The following HSD17B12 variants were observed in gnomAD, a reference collection of about 807,000 sequenced individuals.
The protein encoded by HSD17B12 is hydroxysteroid 17-beta dehydrogenase 12, also known as very-long-chain 3-oxoacyl-CoA reductase.
In HSD17B12, 32 loss-of-function variants were observed where a neutral mutation model predicts 39.3. The ratio of observed to expected loss-of-function variants is 0.81; its 90% CI spans 0.61 to 1.09. The LOEUF is 1.09. HSD17B12 is among the 50% of genes least tolerant of loss of function. The probability of loss-of-function intolerance (pLI) is 0.00; values close to 1 mark genes in which losing one functional copy is unlikely to be tolerated. For synonymous variants in HSD17B12, 150 were observed against 146.7 expected (o/e 1.02, Z -0.16); for missense variants, 342 against 382.9 (o/e 0.89, Z 0.89).
the HSD17B12 span, among the ~76,000 whole-genome samples, chr11:43,574,684 G>A: frequency 2.0e-4 from 30 of 152,168 alleles, no homozygotes; most frequent in South Asian, 4.2e-4. Context: ...TCACCCTTAG[G>A]AAGCAAGCTC....
chr11:43,580,329 C>A, the HSD17B12 span, among the ~76,000 whole-genome samples: 1 of 142,148 alleles, frequency 7.0e-6, no homozygotes, highest in African/African-American at 2.6e-5. Flanking sequence ...ATGACGGGTT[C>A]GCCCCTTGTT....
chr11:43,801,677 G>C (rs1008074814), intron 4 of HSD17B12, among the ~76,000 whole-genome samples: 3 of 130,708 alleles, frequency 2.3e-5, no homozygotes, highest in Non-Finnish European at 5.1e-5. Context: ...GATTTCAGTA[G>C]AGCTCTGTCC....
chr11:43,634,075 C>CAAAAAAAAAAAAAAAAAAAAA, the HSD17B12 span, among the ~76,000 whole-genome samples: 14 of 37,566 alleles, frequency 3.7e-4, 2 homozygotes, highest in Non-Finnish European at 5.0e-4. Context: ...AACTCCATCT[C>CAAAAAAAAAAAAAAAAAAAAA]AAAAAAAAAA....
chr11:43,691,039 A>G lies in HSD17B12; in HGVS notation c.160+10052A>G, dbSNP rs571382026. Among the ~76,000 whole-genome samples, 45 of 152,316 alleles carry G rather than the reference A, an allele frequency of 3.0e-4. 1 individual carries two copies. The highest frequency in any genetic ancestry group is 8.9e-4 in the African/African-American group (37 of 41,570). On this transcript the variant is annotated intron_variant, in intron 1 of 10. Transcript: ENST00000278353. ...GCATATTCCCTTCTAGATGATTATC[A>G]AAGTCGTCAATTTTAGTATGTCTAA...
the HSD17B12 span, among the ~76,000 whole-genome samples, chr11:43,572,980 C>T: frequency 6.6e-6 from 1 of 152,190 alleles, no homozygotes; most frequent in Non-Finnish European, 1.5e-5. Context: ...GGGGAGGAGA[C>T]AGTCGACGCA....
intron 3 of HSD17B12, 55 bp downstream of exon 3, chr11:43,754,176 G>A: frequency 8.3e-7 from 1 of 1,203,644 alleles, no homozygotes; most frequent in Admixed American, 1.8e-5. Context: ...TTTTCAAGCA[G>A]TTATCCGATA....
the HSD17B12 span, chr11:43,646,202 G>A: frequency 6.6e-6 from 1 of 152,220 alleles, no homozygotes; most frequent in Non-Finnish European, 1.5e-5. Context: ...AGCTGGCTGG[G>A]TATGTACATG....
the HSD17B12 span, among the ~76,000 whole-genome samples, chr11:43,595,577 T>C: frequency 6.6e-6 from 1 of 152,214 alleles, no homozygotes; most frequent in African/African-American, 2.4e-5. Context: ...TTAGATTCTA[T>C]AGGTCTGTGG....
intron 3 of HSD17B12, among the ~76,000 whole-genome samples, chr11:43,757,751 A>G (rs963198972): frequency 6.6e-6 from 1 of 151,904 alleles, no homozygotes; most frequent in Non-Finnish European, 1.5e-5. Flanking sequence ...TGCAGCCTAT[A>G]TTGAATGCCA....
chr11:43,632,897 A>C, the HSD17B12 span, among the ~76,000 whole-genome samples: 1 of 152,246 alleles, frequency 6.6e-6, no homozygotes, highest in African/African-American at 2.4e-5. Flanking sequence ...CTATCAGTAA[A>C]TATTTTCTAC....
upstream of HSD17B12, among the ~76,000 whole-genome samples, chr11:43,680,217 G>A (rs1463230915): frequency 2.6e-5 from 4 of 151,972 alleles, no homozygotes; most frequent in East Asian, 7.8e-4. Flanking sequence ...GAGATTACAG[G>A]CGCACGCCAC....
chr11:43,711,104 C>G (rs1950061351), intron 1 of HSD17B12, among the ~76,000 whole-genome samples: 1 of 151,974 alleles, frequency 6.6e-6, no homozygotes, highest in Non-Finnish European at 1.5e-5. Context: ...AGCTGTCATT[C>G]TTTTTAAAGT....
chr11:43,726,809 G>A (rs1216559195), intron 1 of HSD17B12, among the ~76,000 whole-genome samples: 1 of 152,124 alleles, frequency 6.6e-6, no homozygotes, highest in Non-Finnish European at 1.5e-5. Flanking sequence ...TGTCTAATTA[G>A]AAGCTGCCAG....
chr11:43,603,808 T>TA, the HSD17B12 span, among the ~76,000 whole-genome samples: 1 of 152,198 alleles, frequency 6.6e-6, no homozygotes, highest in Non-Finnish European at 1.5e-5. Context: ...TCGTTTCTAA[T>TA]AAAAAATTCC....
chr11:43,785,434 A>T (rs1182353323), intron 3 of HSD17B12, among the ~76,000 whole-genome samples: 1 of 152,206 alleles, frequency 6.6e-6, no homozygotes, highest in East Asian at 1.9e-4. Flanking sequence ...TACTTGCTTG[A>T]TGAGTCCTCA....
chr11:43,708,590 A>G (rs1167019252), intron 1 of HSD17B12, among the ~76,000 whole-genome samples: 2 of 152,244 alleles, frequency 1.3e-5, no homozygotes, highest in Admixed American at 1.3e-4. Flanking sequence ...ATAGTTCAAC[A>G]CCACATTCTC....
At chr11:43,648,666 G>A in the HSD17B12 span, among the ~76,000 whole-genome samples, 1 of 152,136 alleles carries the variant, frequency 6.6e-6, no homozygotes, top group Non-Finnish European at 1.5e-5. Context: ...TTTTTATTTA[G>A]TAAACCACTT....
the HSD17B12 span, among the ~76,000 whole-genome samples, chr11:43,673,557 A>G: frequency 5.6e-5 from 8 of 142,692 alleles, no homozygotes; most frequent in African/African-American, 1.0e-4. Context: ...CAATGGCGCA[A>G]TCTCAGCTCA....
intron 1 of HSD17B12, among the ~76,000 whole-genome samples, chr11:43,730,893 T>A (rs979041053): frequency 1.3e-5 from 2 of 152,186 alleles, no homozygotes; most frequent in Non-Finnish European, 2.9e-5. Context: ...GAGAATAGCT[T>A]TCTAAATCTC....
Sources: gnomAD v4.1 joint callset for allele counts (sites outside exome capture counted in the v4.1 genomes callset) on GRCh38, gnomAD v4.1.1 for gene constraint, MANE v1.5 for transcripts, NCBI Gene and HGNC (gene_info 2026-07-23, HGNC 2026-07-21) for gene names.